The following CPNE2 variants were observed in gnomAD, a reference collection of about 807,000 sequenced individuals.
CPNE2 encodes copine-2.
Under a neutral mutation model 69.7 loss-of-function variants are expected in CPNE2, and 42 were observed. The observed-to-expected ratio is 0.60, with a 90% confidence interval of 0.47 to 0.78. CPNE2 has a LOEUF of 0.78. Ranked by LOEUF, CPNE2 falls within the 30% of genes least tolerant of loss-of-function variation. CPNE2 has a pLI of 0.00. For synonymous variants in CPNE2, 294 were observed against 289.8 expected (o/e 1.01, Z -0.15); for missense variants, 587 against 732.0 (o/e 0.80, Z 2.29).
At chr16:57,107,427 G>A (rs2069654774) in intron 1 of CPNE2, among the ~76,000 whole-genome samples, 1 of 152,178 alleles carries the variant, frequency 6.6e-6, no homozygotes, top group African/African-American at 2.4e-5. Flanking sequence ...AAGCTGGGAG[G>A]TCTCCGCTGC....
rs2305701 is a variant in CPNE2, at chr16:57,113,476, G to A, written c.360+9G>A. 1.9e-6 allele frequency: 3 copies of A among 1,611,764 alleles called. No individual in the cohort carries two copies. The highest frequency in any genetic ancestry group is 1.3e-5 in the African/African-American group (1 of 74,862). On this transcript the variant is annotated intron_variant, in intron 3 of 15. Transcript: ENST00000290776. Reference sequence around the variant, plus strand: ...CCTGCAGCCTGGGCACGGTGAGCTGGGCCCTCCTGGGTGGGAGCAGGGGCC... The same window carrying A: ...CCTGCAGCCTGGGCACGGTGAGCTGAGCCCTCCTGGGTGGGAGCAGGGGCC...
chr16:57,135,654 A>G (rs2069873653), intron 13 of CPNE2, among the ~76,000 whole-genome samples: 1 of 151,606 alleles, frequency 6.6e-6, no homozygotes, highest in South Asian at 2.1e-4. Context: ...AGGTGGGTAG[A>G]TCAGAGGTCA....
Position 57,130,581 on chromosome 16 carries a change from CA to C in CPNE2, c.1116+2680del, listed in dbSNP as rs1278674599. Among the ~76,000 whole-genome samples the C allele has an allele frequency of 1.2e-4, 18 of 152,074 alleles. No individual in the cohort carries two copies. The highest frequency in any genetic ancestry group is 4.1e-4 in the African/African-American group (17 of 41,474). ...AGTTTCAACTAATTCTCACCAAAGC[CA>C]ATGAGGTAGGCCCTGTTATGAACCC... On this transcript the variant is annotated intron_variant, in intron 12 of 15. Transcript: ENST00000290776. This position sits in a 1 kb window ranked among gnomAD's most constrained non-coding sequence, Gnocchi z 4.1.
intron 1 of CPNE2, among the ~76,000 whole-genome samples, chr16:57,103,169 T>C (rs1250376158): frequency 6.6e-6 from 1 of 151,824 alleles, no homozygotes; most frequent in Non-Finnish European, 1.5e-5. Flanking sequence ...GTCACCCAGA[T>C]TCGAGCGCAG....
At chr16:57,126,610 T>C (rs1159269863) in intron 11 of CPNE2, among the ~76,000 whole-genome samples, 1 of 151,974 alleles carries the variant, frequency 6.6e-6, no homozygotes, top group East Asian at 1.9e-4. Context: ...GATTGGGAGC[T>C]CCAGGTCAGA....
At chr16:57,135,693 G>A (rs1413334625) in intron 13 of CPNE2, among the ~76,000 whole-genome samples, 1 of 151,622 alleles carries the variant, frequency 6.6e-6, no homozygotes, top group South Asian at 2.1e-4. Flanking sequence ...GGCCAAGATT[G>A]TGAAACCCCG....
intron 4 of CPNE2, among the ~76,000 whole-genome samples, chr16:57,116,489 C>T (rs1393589326): frequency 6.6e-6 from 1 of 152,110 alleles, no homozygotes; most frequent in Non-Finnish European, 1.5e-5. Context: ...GAGTTTGAGG[C>T]TGCAGTGGGT....
chr16:57,102,163 G>C (rs1424915263), intron 1 of CPNE2, among the ~76,000 whole-genome samples: 1 of 152,004 alleles, frequency 6.6e-6, no homozygotes, highest in Non-Finnish European at 1.5e-5. Context: ...ATGTTGCCCA[G>C]CTGGGCTTAA....
rs2069777272 is a variant in CPNE2, at chr16:57,123,405, T to G, written c.868-9T>G. Reference sequence around the variant, plus strand: ...AAGGGGACCCACTGACTCATCCGCTTTCTTCCAGATAAACCGAGACTACTC... The same window carrying G: ...AAGGGGACCCACTGACTCATCCGCTGTCTTCCAGATAAACCGAGACTACTC... On this transcript the variant is annotated splice_polypyrimidine_tract_variant and intron_variant, in intron 9 of 15. Coordinates refer to ENST00000290776, the MANE Select transcript of CPNE2 (RefSeq NM_152727.6). 1 of 1,612,692 alleles carries G rather than the reference T, an allele frequency of 6.2e-7. No individual in the cohort carries two copies. The highest frequency in any genetic ancestry group is 8.5e-7 in the Non-Finnish European group (1 of 1,180,012).
At chr16:57,134,012 C>T (rs1485279740) in intron 12 of CPNE2, among the ~76,000 whole-genome samples, 1 of 152,186 alleles carries the variant, frequency 6.6e-6, no homozygotes, top group Non-Finnish European at 1.5e-5. Flanking sequence ...GCCTTGGGTT[C>T]TGCAGGCACT....
chr16:57,116,108 C>T lies in CPNE2; in HGVS notation c.435+558C>T, dbSNP rs118074426. Among the ~76,000 whole-genome samples, 1,343 of 152,262 alleles carry T rather than the reference C, an allele frequency of 8.8e-3. 12 individuals carry two copies. The highest frequency in any genetic ancestry group is 0.013 in the Non-Finnish European group (872 of 68,008). Reference sequence around the variant, plus strand: ...GCCAGGCTGGAGGGAGAAGCCATGCCTTTGTGTGTTCCCGTGTGTTACTCC... The same window carrying T: ...GCCAGGCTGGAGGGAGAAGCCATGCTTTTGTGTGTTCCCGTGTGTTACTCC... On this transcript the variant is annotated intron_variant, in intron 4 of 15. Coordinates refer to ENST00000290776, the MANE Select transcript of CPNE2 (RefSeq NM_152727.6).
intron 1 of CPNE2, among the ~76,000 whole-genome samples, chr16:57,107,887 T>C (rs1293440196): frequency 2.0e-5 from 3 of 149,272 alleles, no homozygotes; most frequent in African/African-American, 7.5e-5. Context: ...TTTTTTTTTT[T>C]TGAGACAGTG....
intron 2 of CPNE2, among the ~76,000 whole-genome samples, chr16:57,112,199 C>T (rs1273728974): frequency 6.6e-6 from 1 of 152,112 alleles, no homozygotes; most frequent in Admixed American, 6.5e-5. Flanking sequence ...GAGGGGGAAA[C>T]AGGGGCCCCA....
intron 2 of CPNE2, 98 bp downstream of exon 2, chr16:57,111,020 G>A (rs2069678304): frequency 9.1e-7 from 1 of 1,104,012 alleles, no homozygotes; most frequent in Non-Finnish European, 1.3e-6. Flanking sequence ...TCTGATGGAA[G>A]TAGTTGGAGT....
At chr16:57,112,400 C>A (rs1355299247) in intron 2 of CPNE2, among the ~76,000 whole-genome samples, 1 of 152,046 alleles carries the variant, frequency 6.6e-6, no homozygotes, top group African/African-American at 2.4e-5. Context: ...ATCCCCCTGA[C>A]TCATAGCACA....
Position 57,099,932 on chromosome 16 carries a change from G to T in CPNE2, c.-36+7142G>T, listed in dbSNP as rs1378643642. Among the ~76,000 whole-genome samples, 9 of 152,010 alleles carry T rather than the reference G, an allele frequency of 5.9e-5. No homozygotes were observed. In the East Asian group the frequency reaches 1.7e-3, roughly 29 times the overall value. ...CTGGGACTACAGGCGCGTGCACCAC[G>T]CCCAGCTAATTTTTGTATTTTTAGT... On this transcript the variant is annotated intron_variant, in intron 1 of 15. Transcript: ENST00000290776.
At chr16:57,097,038 A>G (rs545888474) in intron 1 of CPNE2, among the ~76,000 whole-genome samples, 2 of 152,232 alleles carry the variant, frequency 1.3e-5, no homozygotes, top group East Asian at 1.9e-4. Context: ...CATTCATTCA[A>G]AAATATTCAC....
chr16:57,118,676 G>GGATGGATA (rs1294825768), intron 5 of CPNE2, among the ~76,000 whole-genome samples: 2 of 151,582 alleles, frequency 1.3e-5, no homozygotes, highest in African/African-American at 2.4e-5. Context: ...ATGGATGGAT[G>GGATGGATA]GATGGATGGA....
intron 5 of CPNE2, among the ~76,000 whole-genome samples, chr16:57,118,982 G>T (rs1359658432): frequency 4.0e-5 from 6 of 151,812 alleles, no homozygotes; most frequent in African/African-American, 1.4e-4. Flanking sequence ...AGGGTGGGGG[G>T]TTTCTGCTGG....
Sources: allele counts gnomAD v4.1 joint callset (sites outside exome capture counted in the v4.1 genomes callset), GRCh38; gene constraint gnomAD v4.1.1; non-coding constraint Gnocchi (gnomAD v3.1); transcripts MANE v1.5; gene names NCBI Gene and HGNC (gene_info 2026-07-23, HGNC 2026-07-21).